TECR: variants seen among roughly 807,000 people sequenced by gnomAD.
TECR encodes very-long-chain enoyl-CoA reductase.
In TECR, 19 loss-of-function variants were observed where a neutral mutation model predicts 50.6. That is an observed-to-expected ratio of 0.38 (90% CI 0.26 to 0.55). TECR has a LOEUF of 0.55. Ranked by LOEUF, TECR falls within the 20% of genes least tolerant of loss-of-function variation. The pLI is 0.79. For synonymous variants in TECR, 168 were observed against 163.5 expected, an observed-to-expected ratio of 1.03 and a Z score of -0.21; for missense variants, 313 against 408.3, an observed-to-expected ratio of 0.77 and a Z score of 2.01.
intron 1 of TECR, chr19:14,545,058 C>T (rs1378405410): frequency 2.2e-6 from 1 of 456,504 alleles, no homozygotes. Context: ...GTTTCTAAGC[C>T]TCTCACCACT....
intron 1 of TECR, among the ~76,000 whole-genome samples, chr19:14,542,347 G>GTGTTTTT (rs2073125545): frequency 1.6e-3 from 68 of 43,300 alleles, no homozygotes; most frequent in African/African-American, 4.7e-3. Flanking sequence ...ATGCCATAGT[G>GTGTTTTT]TTTTTTTTTT....
At chr19:14,565,488 C>T in intron 11 of TECR, 130 bp from the exon 12 acceptor site, 1 of 1,450,720 alleles carries the variant, frequency 6.9e-7, no homozygotes, top group Non-Finnish European at 9.4e-7. Flanking sequence ...ACAGCCCCGC[C>T]TCCGCTGGAA....
At chr19:14,552,842 T>C (rs980371197) in intron 1 of TECR, among the ~76,000 whole-genome samples, 8 of 152,134 alleles carry the variant, frequency 5.3e-5, no homozygotes, top group Middle Eastern at 3.4e-3. Context: ...GGCCCAGTCT[T>C]TTTCTTATAG....
At position 14,564,977 on chromosome 19, in the gene TECR, G is replaced by T. The variant is rs1431182973; in HGVS notation, c.591G>T (p.Ala197=). ...PTYGAQQVKL[A]LAIFVICQLG... ...ACGGAGCTCAGCAGGTGAAACTGGC[G>T]CTCGCCATCTTTGTGGTAAGGAGGC... is the stretch of plus-strand genomic sequence containing the variant. Residue 197 remains alanine, a synonymous_variant, in exon 9 of 13, where the codon GCG becomes GCT. Transcript: ENST00000215567. The T allele has an allele frequency of 6.2e-7, 1 of 1,613,876 alleles. No individual in the cohort carries two copies. The highest frequency in any genetic ancestry group is 1.7e-5 in the Admixed American group (1 of 59,992).
chr19:14,565,703 C>T (rs2146638533), intron 12 of TECR, 40 bp downstream of exon 12: 6 of 1,611,912 alleles, frequency 3.7e-6, no homozygotes, highest in Non-Finnish European at 5.1e-6. Flanking sequence ...CCTGCCCCTC[C>T]GGGCCGGCAG....
rs1034804951 is a variant in TECR, at chr19:14,535,127, C to T, written c.15+5416C>T. On this transcript the variant is annotated intron_variant, in intron 1 of 12. Coordinates refer to ENST00000215567, the MANE Select transcript of TECR (RefSeq NM_138501.6). ...GTGGTTCATGCCTGTAATCCCAGCA[C>T]GTTGGGAGGCTGAGGCAGGAGGATC... 3.3e-5 allele frequency among the ~76,000 whole-genome samples: 5 copies of T among 152,130 alleles called. 1 individual carries two copies. The South Asian group carries it at 8.3e-4, about 25-fold the overall frequency.
At chr19:14,528,235 A>G (rs1226298664), upstream of TECR, among the ~76,000 whole-genome samples, 1 of 139,692 alleles carries the variant, frequency 7.2e-6, no homozygotes, top group Non-Finnish European at 1.5e-5. Context: ...GACCAGTCCC[A>G]TTTCTTTTTC....
At chr19:14,544,536 G>A (rs1024147552) in intron 1 of TECR, among the ~76,000 whole-genome samples, 5 of 151,900 alleles carry the variant, frequency 3.3e-5, no homozygotes, top group South Asian at 2.1e-4. Flanking sequence ...CTTTGAGTGC[G>A]GGTCCTGAGC....
Position 14,564,087 on chromosome 19 carries a change from A to G in TECR, c.373A>G (p.Thr125Ala), listed in dbSNP as rs1402929106. 6.2e-7 allele frequency: 1 copy of G among 1,612,318 alleles called. No homozygotes were observed. Among genetic ancestry groups the G allele is most frequent in the African/African-American group, 1.3e-5 (1 of 74,838 alleles). Reference protein sequence around the residue: ...HKYDFTSSRHTVVHLACICHS... With the variant: ...HKYDFTSSRHAVVHLACICHS... ...ATATGACTTTACGTCCAGTCGGCATACAGTGGTGCAGTAAGTGGGGCAGGT... is the reference window on the plus strand; with the variant it reads ...ATATGACTTTACGTCCAGTCGGCATGCAGTGGTGCAGTAAGTGGGGCAGGT... The change falls in exon 6 of 13, where the codon ACA becomes GCA. Residue 125 changes from threonine (T) to alanine (A), a missense_variant. Thr to Ala is a moderately conservative substitution (Grantham distance 58, BLOSUM62 0). Coordinates refer to ENST00000215567, the MANE Select transcript of TECR (RefSeq NM_138501.6).
chr19:14,533,669 T>A (rs751370000), intron 1 of TECR, among the ~76,000 whole-genome samples: 14 of 150,916 alleles, frequency 9.3e-5, no homozygotes, highest in Non-Finnish European at 2.1e-4. Flanking sequence ...GATCGGTGGC[T>A]GTTTCCATAG....
chr19:14,563,731 C>T lies in TECR; in HGVS notation c.163+29C>T, dbSNP rs756049173. ...AGTACAGCTGTCCACTCGGCCCGCC[C>T]CCTGGGCTCCTGGGTGGCAGTGGGA... On this transcript the variant is annotated intron_variant, in intron 4 of 12. Transcript: ENST00000215567. This position sits in a 1 kb window ranked among gnomAD's most constrained non-coding sequence, Gnocchi z 5.3. 6 of 1,613,152 alleles carry T rather than the reference C, an allele frequency of 3.7e-6. No individual in the cohort carries two copies. In the South Asian group the frequency reaches 5.5e-5, roughly 15 times the overall value.
chr19:14,562,187 T>C, intron 1 of TECR: 1 of 595,430 alleles, frequency 1.7e-6, no homozygotes, highest in Non-Finnish European at 3.0e-6. Flanking sequence ...GCTGTGGCTG[T>C]GGTTGCCACT....
At chr19:14,565,540 G>A in intron 11 of TECR, 78 bp from the exon 12 acceptor site, 1 of 1,554,304 alleles carries the variant, frequency 6.4e-7, no homozygotes, top group Non-Finnish European at 8.7e-7. Context: ...GGCGGCGGGA[G>A]GTGGCTGGCT....
rs568626402 is a variant in TECR at position 14,552,936 on chromosome 19, C to T, written c.16-9589C>T. 7.9e-5 allele frequency among the ~76,000 whole-genome samples: 12 copies of T among 152,102 alleles called. No homozygotes were observed. In the South Asian group the frequency reaches 1.7e-3, roughly 21 times the overall value. On this transcript the variant is annotated intron_variant, in intron 1 of 12. Transcript: ENST00000215567. ...TGATAGATGTCACGTCTGAATGAAA[C>T]GGGCGAGATCAGCGTCGCTCTGGGT...
chr19:14,552,165 CTTTTTTCTTTT>C (rs1266318487), intron 1 of TECR, among the ~76,000 whole-genome samples: 2 of 142,242 alleles, frequency 1.4e-5, no homozygotes, highest in African/African-American at 2.7e-5. Flanking sequence ...TTCTTTCTTT[CTTTTTTCTTTT>C]TTTTTTTTTT....
rs771943648 is a variant in TECR at position 14,563,110 on chromosome 19, A to G, written c.67-96A>G. 15 of 1,525,622 alleles carry G rather than the reference A, an allele frequency of 9.8e-6. No individual in the cohort carries two copies. The highest frequency in any genetic ancestry group is 2.7e-5 in the African/African-American group (2 of 72,782). The allele number at this position is 1,525,622 out of a possible 1,614,324, so 94.5% of individuals were successfully genotyped here. ...AGCCCTTCCCCCTTCCCATAGCTAC[A>G]GCCCAACCCCCAGCCTGCCATCCCC... On this transcript the variant is annotated intron_variant, in intron 2 of 12. Transcript: ENST00000215567. This position sits in a 1 kb window ranked among gnomAD's most constrained non-coding sequence, Gnocchi z 5.3.
chr19:14,539,820 C>T (rs2073033962), intron 1 of TECR, among the ~76,000 whole-genome samples: 1 of 152,044 alleles, frequency 6.6e-6, no homozygotes, highest in Admixed American at 6.6e-5. Flanking sequence ...CCTTGCCTGT[C>T]ACCCTGGCAC....
At position 14,561,014 on chromosome 19, in the gene TECR, G is replaced by T. The variant is rs2073885527; in HGVS notation, c.16-1511G>T. Among the ~76,000 whole-genome samples the T allele has an allele frequency of 4.6e-5, 7 of 152,106 alleles. No homozygotes were observed. In the South Asian group the frequency reaches 1.4e-3, roughly 32 times the overall value. Reference sequence around the variant, plus strand: ...GGTGACATGCCTGGGGTCCCCCAGGGACTACAAGGCAGGGCTGGTTACGGT... The same window carrying T: ...GGTGACATGCCTGGGGTCCCCCAGGTACTACAAGGCAGGGCTGGTTACGGT... On this transcript the variant is annotated intron_variant, in intron 1 of 12. Coordinates refer to ENST00000215567, the MANE Select transcript of TECR (RefSeq NM_138501.6).
Position 14,563,231 on chromosome 19 carries a change from A to G in TECR, c.92A>G (p.Glu31Gly). The G allele has an allele frequency of 6.2e-7, 1 of 1,613,440 alleles. No individual in the cohort carries two copies. ...GTGGAGCCCCACGCCACCATTGCGG[A>G]GATCAAGAACCTCTTCACTAAGACC... ...DKVEPHATIAEIKNLFTKTHP... is the reference protein window; with the variant it reads ...DKVEPHATIAGIKNLFTKTHP... Residue 31 changes from glutamate (E) to glycine (G), a missense_variant, in exon 3 of 13, where the codon GAG becomes GGG. By Grantham distance (98) the Glu-to-Gly change is moderately conservative. Coordinates refer to ENST00000215567, the MANE Select transcript of TECR (RefSeq NM_138501.6). The surrounding 1 kb of genome is among the most constrained non-coding windows in gnomAD (Gnocchi z 5.3).
Sources: gnomAD v4.1 joint callset for allele counts (sites outside exome capture counted in the v4.1 genomes callset) on GRCh38, gnomAD v4.1.1 for gene constraint, Gnocchi (gnomAD v3.1) non-coding constraint, MANE v1.5 for transcripts, NCBI Gene and HGNC (gene_info 2026-07-23, HGNC 2026-07-21) for gene names.